UGT2A1: variants seen among roughly 807,000 people sequenced by gnomAD.
The protein encoded by UGT2A1 is UDP glucuronosyltransferase family 2 member A1 complex locus.
In UGT2A1, 61 loss-of-function variants were observed where a neutral mutation model predicts 45.4. The observed-to-expected ratio is 1.34, with a 90% CI of 1.09 to 1.66. The LOEUF (loss-of-function observed/expected upper bound fraction) is 1.66, where lower values mean the gene tolerates loss of function less well. UGT2A1 is among the 40% of genes most tolerant of loss of function. The pLI is 0.00. For synonymous variants in UGT2A1, 229 were observed against 196.2 expected (o/e 1.17, Z -1.40); for missense variants, 649 against 574.3 (o/e 1.13, Z -1.33).
chr4:69,599,098 A>G, intron 4 of UGT2A1, 148 bp downstream of exon 4: 1 of 1,193,538 alleles, frequency 8.4e-7, no homozygotes, highest in African/African-American at 1.5e-5. Context: ...TATCACTTGT[A>G]GGAGACCTCT....
At chr4:69,628,534 C>T (rs1334632895) in intron 3 of UGT2A1, among the ~76,000 whole-genome samples, 2 of 151,344 alleles carry the variant, frequency 1.3e-5, no homozygotes, top group African/African-American at 2.4e-5. Context: ...GCCAGAAACA[C>T]TAAATATCCA....
Position 69,627,503 on chromosome 4 carries a change from G to A in UGT2A1, c.847+8188C>T, listed in dbSNP as rs1222145024. 4.9e-5 allele frequency among the ~76,000 whole-genome samples: 7 copies of A among 143,478 alleles called. No homozygotes were observed. In the Admixed American group the frequency reaches 5.1e-4, roughly 10 times the overall value. The allele number at this position is 143,478 out of a possible 152,430, so 94.1% of individuals were successfully genotyped here. A position where few individuals can be genotyped will look rare whatever the true frequency, so the allele number is the denominator to read the frequency against. On this transcript the variant is annotated intron_variant, in intron 3 of 6. Transcript: ENST00000286604. Reference sequence around the variant, plus strand: ...AGGCAGGCAGGCATGCAGGAAGGAAGGAAGGAAAAGAAAGAAAGAAGAAAG... The same window carrying A: ...AGGCAGGCAGGCATGCAGGAAGGAAAGAAGGAAAAGAAAGAAAGAAGAAAG...
intron 3 of UGT2A1, among the ~76,000 whole-genome samples, chr4:69,627,126 C>A (rs1018088985): frequency 6.6e-6 from 1 of 151,860 alleles, no homozygotes; most frequent in African/African-American, 2.4e-5. Context: ...TTTGCACATA[C>A]TGACACACAC....
Position 69,594,694 on chromosome 4 carries a change from G to A in UGT2A1, c.1087C>T (p.His363Tyr), listed in dbSNP as rs1718814387. 6.2e-7 allele frequency: 1 copy of A among 1,612,532 alleles called. No homozygotes were observed. The highest frequency in any genetic ancestry group is 1.3e-5 in the African/African-American group (1 of 74,890). The change falls in exon 6 of 7, where the codon CAT (histidine) becomes TAT (tyrosine). Residue 363 changes from histidine (H) to tyrosine (Y), a missense_variant and splice_region_variant. Coordinates refer to ENST00000286604, the MANE Select transcript of UGT2A1 (RefSeq NM_001252275.3). ...GTGATAAAAGCTTTGGTTTTGGGAT[G>A]TCCTAATTTGAGGATGGAGTGAGAA... Reference protein sequence around the residue: ...DWIPQNDLLGHPKTKAFITHG... With the variant: ...DWIPQNDLLGYPKTKAFITHG...
chr4:69,621,118 A>C (rs1720730849), intron 3 of UGT2A1, among the ~76,000 whole-genome samples: 1 of 152,088 alleles, frequency 6.6e-6, no homozygotes, highest in African/African-American at 2.4e-5. Context: ...AGATGCCGAA[A>C]GCAATCACAA....
chr4:69,640,096 A>G (rs1288763659), intron 2 of UGT2A1, among the ~76,000 whole-genome samples: 1 of 151,918 alleles, frequency 6.6e-6, no homozygotes, highest in African/African-American at 2.4e-5. Context: ...GTTACAGGGA[A>G]TTTTTCAGTT....
At chr4:69,614,188 C>A (rs1353763111) in intron 3 of UGT2A1, among the ~76,000 whole-genome samples, 1 of 151,622 alleles carries the variant, frequency 6.6e-6, no homozygotes, top group South Asian at 2.1e-4. Flanking sequence ...AACAGTGAAC[C>A]ATATGTTAAA....
intron 6 of UGT2A1, among the ~76,000 whole-genome samples, chr4:69,593,876 TATA>T (rs534143444): frequency 4.4e-4 from 67 of 152,020 alleles, no homozygotes; most frequent in African/African-American, 1.6e-3. Context: ...CTAATTAGTT[TATA>T]ATATTAAGCA....
intron 2 of UGT2A1, chr4:69,639,557 T>C: frequency 6.2e-7 from 1 of 1,612,640 alleles, no homozygotes. Context: ...CATTCCCACT[T>C]AGAACAACTT....
intron 3 of UGT2A1, among the ~76,000 whole-genome samples, chr4:69,613,940 A>C (rs1720216800): frequency 6.6e-6 from 1 of 152,036 alleles, no homozygotes; most frequent in South Asian, 2.1e-4. Flanking sequence ...GTGCTTTCAC[A>C]ACTTTTACTT....
chr4:69,649,006 C>T (rs773658274), intron 1 of UGT2A1, among the ~76,000 whole-genome samples: 29 of 151,994 alleles, frequency 1.9e-4, no homozygotes, highest in Non-Finnish European at 3.8e-4. Flanking sequence ...AATTGTGTAA[C>T]GCACATTGGA....
In UGT2A1 at chr4:69,635,766, G is replaced by A. The variant is rs1721645886; in HGVS notation, c.772C>T (p.Gln258Ter). ...CGCTTGAACCCGGGAAGCAGAGGTTGCAGTGAGCCAAGATCCGCCACTGCA... is the reference window on the plus strand; with the variant it reads ...CGCTTGAACCCGGGAAGCAGAGGTTACAGTGAGCCAAGATCCGCCACTGCA... ...WSAVADLGSL[Q>*]PLLPGFKRFS... The change falls in exon 3 of 7, where the codon CAA (glutamine) becomes TAA (stop). Residue 258 changes from glutamine (Q) to a stop codon, truncating the protein, a stop_gained. Transcript: ENST00000286604. LOFTEE classifies it high-confidence loss of function. The A allele has an allele frequency of 5.0e-6, 1 of 200,026 alleles. No individual in the cohort carries two copies. The highest frequency in any genetic ancestry group is 1.0e-5 in the Non-Finnish European group (1 of 97,364). 12.4% of individuals were successfully genotyped at this position (200,026 alleles called of 1,614,324 possible).
chr4:69,618,480 G>C (rs1720548612), intron 3 of UGT2A1, among the ~76,000 whole-genome samples: 1 of 151,656 alleles, frequency 6.6e-6, no homozygotes, highest in Non-Finnish European at 1.5e-5. Context: ...TTATTGAAAG[G>C]GTCTTTGTCT....
intron 3 of UGT2A1, among the ~76,000 whole-genome samples, chr4:69,632,686 G>C (rs1307692722): frequency 6.6e-6 from 1 of 151,952 alleles, no homozygotes; most frequent in African/African-American, 2.4e-5. Context: ...TCAAGAGTTT[G>C]AGACCTGCCT....
chr4:69,652,960 T>C (rs1331171871), intron 1 of UGT2A1, among the ~76,000 whole-genome samples: 4 of 152,216 alleles, frequency 2.6e-5, no homozygotes, highest in Non-Finnish European at 4.4e-5. Flanking sequence ...TACTGCTCTG[T>C]CCACACAGTT....
At chr4:69,621,841 G>T (rs1720774616) in intron 3 of UGT2A1, among the ~76,000 whole-genome samples, 1 of 151,836 alleles carries the variant, frequency 6.6e-6, no homozygotes, top group Non-Finnish European at 1.5e-5. Flanking sequence ...AAGAGAACAT[G>T]TTTTTTGCAG....
chr4:69,614,488 G>C (rs1720255758), intron 3 of UGT2A1, among the ~76,000 whole-genome samples: 2 of 151,744 alleles, frequency 1.3e-5, no homozygotes, highest in Admixed American at 6.6e-5. Flanking sequence ...ACTTTGTATG[G>C]AACCACAAAA....
At chr4:69,613,431 A>C (rs1247623436) in intron 3 of UGT2A1, among the ~76,000 whole-genome samples, 1 of 152,024 alleles carries the variant, frequency 6.6e-6, no homozygotes, top group Non-Finnish European at 1.5e-5. Flanking sequence ...AATTCTACTG[A>C]AACTATTCAA....
At chr4:69,638,184 G>A (rs557329503) in intron 2 of UGT2A1, among the ~76,000 whole-genome samples, 15 of 152,140 alleles carry the variant, frequency 9.9e-5, no homozygotes, top group African/African-American at 2.6e-4. Flanking sequence ...TTAGTGTCCC[G>A]AGTACTAAGA....
Sources: allele counts gnomAD v4.1 joint callset (sites outside exome capture counted in the v4.1 genomes callset), GRCh38; gene constraint gnomAD v4.1.1; transcripts MANE v1.5; gene names NCBI Gene and HGNC (gene_info 2026-07-23, HGNC 2026-07-21).